NALF1: variants seen among roughly 807,000 people sequenced by gnomAD.
NALF1 encodes the protein NALCN channel auxiliary factor 1, also known as family with sequence similarity 155 member A.
A neutral mutation model predicts 48.4 loss-of-function variants in NALF1; 3 were observed. The observed-to-expected ratio is 0.06, with a 90% CI of 0.03 to 0.16. The LOEUF (loss-of-function observed/expected upper bound fraction) is 0.16. Ranked by LOEUF, NALF1 falls within the 10% of genes least tolerant of loss-of-function variation. The pLI, the probability that NALF1 is intolerant of heterozygous loss-of-function variation, is 1.00. For missense variants in NALF1, 526 were observed against 571.5 expected (o/e 0.92, Z 0.81); for synonymous variants, 262 against 245.7 (o/e 1.07, Z -0.62).
chr13:107,604,316 T>A (rs1879008330), intron 1 of NALF1, among the ~76,000 whole-genome samples: 1 of 152,206 alleles, frequency 6.6e-6, no homozygotes, highest in Admixed American at 6.5e-5. Context: ...TATTTTGTCT[T>A]TTTTTTAAAT....
Position 107,220,496 on chromosome 13 carries a change from T to G in NALF1, c.916-9741A>C, listed in dbSNP as rs117941182. ...CTAATTGAAATACAGACTTGTAGCC[T>G]GTTACCATGAAACAGAGGACTGGCT... On this transcript the variant is annotated intron_variant, in intron 1 of 2. Coordinates refer to ENST00000375915, the MANE Select transcript of NALF1 (RefSeq NM_001080396.3). Among the ~76,000 whole-genome samples, 37 of 152,348 alleles carry G rather than the reference T, an allele frequency of 2.4e-4. No homozygotes were observed. In the East Asian group the frequency reaches 7.1e-3, roughly 29 times the overall value.
At chr13:107,403,185 G>A (rs1391863280) in intron 1 of NALF1, among the ~76,000 whole-genome samples, 1 of 87,760 alleles carries the variant, frequency 1.1e-5, no homozygotes, top group Admixed American at 1.3e-4. Context: ...TCTCTTGTTC[G>A]GGCTTTTTTT....
At chr13:107,259,638 G>C (rs982933286) in intron 1 of NALF1, among the ~76,000 whole-genome samples, 18 of 152,290 alleles carry the variant, frequency 1.2e-4, no homozygotes, top group African/African-American at 4.3e-4. Flanking sequence ...ATTCACAATA[G>C]TTACTACCAG....
intron 1 of NALF1, among the ~76,000 whole-genome samples, chr13:107,462,699 G>T (rs561898320): frequency 1.3e-5 from 2 of 152,298 alleles, no homozygotes; most frequent in East Asian, 1.9e-4. Flanking sequence ...AGTTCCCAGA[G>T]AAACCCTAGA....
rs546915635 is a variant in NALF1 at position 107,750,409 on chromosome 13, C to T, written c.915+115273G>A. Among the ~76,000 whole-genome samples the T allele has an allele frequency of 5.8e-4, 89 of 152,264 alleles. 1 individual carries two copies. The highest frequency in any genetic ancestry group is 2.1e-3 in the African/African-American group (86 of 41,540). ...AATGTTTAACTCATATTCAACTGAG[C>T]TGCATAACCATTTTTAAATCCACAT... On this transcript the variant is annotated intron_variant, in intron 1 of 2. Transcript: ENST00000375915.
At chr13:107,498,250 G>A (rs1169411328) in intron 1 of NALF1, among the ~76,000 whole-genome samples, 1 of 151,966 alleles carries the variant, frequency 6.6e-6, no homozygotes, top group East Asian at 1.9e-4. Context: ...AAAAAATTCA[G>A]GCAGATATCA....
chr13:107,432,985 C>T (rs1373666182), intron 1 of NALF1, among the ~76,000 whole-genome samples: 1 of 152,138 alleles, frequency 6.6e-6, no homozygotes, highest in Non-Finnish European at 1.5e-5. Context: ...AAATCCACAC[C>T]TTTTGACTCT....
intron 1 of NALF1, among the ~76,000 whole-genome samples, chr13:107,762,937 G>A (rs1566472569): frequency 6.6e-6 from 1 of 152,050 alleles, no homozygotes; most frequent in Non-Finnish European, 1.5e-5. Flanking sequence ...AAGCTTTTTA[G>A]AGAAGGAACT....
chr13:107,719,276 T>C (rs1875916055), intron 1 of NALF1, among the ~76,000 whole-genome samples: 1 of 152,200 alleles, frequency 6.6e-6, no homozygotes. Context: ...TAGTATTTAA[T>C]CTTGTTGACC....
chr13:107,803,713 T>C (rs528922337), intron 1 of NALF1, among the ~76,000 whole-genome samples: 1 of 152,254 alleles, frequency 6.6e-6, no homozygotes, highest in South Asian at 2.1e-4. Flanking sequence ...TAAAACTAAG[T>C]ACAAATAAAA....
At chr13:107,636,284 T>C (rs1334749161) in intron 1 of NALF1, among the ~76,000 whole-genome samples, 3 of 152,110 alleles carry the variant, frequency 2.0e-5, no homozygotes, top group Non-Finnish European at 4.4e-5. Flanking sequence ...AAACAAGATA[T>C]AAACTGAAAT....
intron 1 of NALF1, among the ~76,000 whole-genome samples, chr13:107,708,351 C>T (rs1875465584): frequency 6.6e-6 from 1 of 152,140 alleles, no homozygotes; most frequent in Non-Finnish European, 1.5e-5. Flanking sequence ...ACTGGATCTC[C>T]TGAAATGCTC....
At chr13:107,185,894 A>G (rs1879160599) in intron 2 of NALF1, among the ~76,000 whole-genome samples, 1 of 152,144 alleles carries the variant, frequency 6.6e-6, no homozygotes, top group African/African-American at 2.4e-5. Context: ...TATCACTTAC[A>G]ATGTCCACTT....
chr13:107,490,397 A>T (rs1014057536), intron 1 of NALF1, among the ~76,000 whole-genome samples: 1 of 152,202 alleles, frequency 6.6e-6, no homozygotes. Flanking sequence ...AAAGAACAAG[A>T]TGATGTTTTT....
intron 1 of NALF1, among the ~76,000 whole-genome samples, chr13:107,242,357 C>T (rs1449541449): frequency 2.6e-5 from 4 of 152,178 alleles, no homozygotes; most frequent in Non-Finnish European, 5.9e-5. Context: ...CCTTCTCCTC[C>T]TCAATGTCCT....
At chr13:107,777,478 T>C (rs117202665) in intron 1 of NALF1, among the ~76,000 whole-genome samples, 9,965 of 152,268 alleles carry the variant, frequency 0.065, 379 homozygotes, top group African/African-American at 0.066. Context: ...AGATCTCTCC[T>C]GGCTTGCTGC....
chr13:107,773,797 G>A lies in NALF1; in HGVS notation c.915+91885C>T, dbSNP rs567670237. On this transcript the variant is annotated intron_variant, in intron 1 of 2. Coordinates refer to ENST00000375915, the MANE Select transcript of NALF1 (RefSeq NM_001080396.3). ...AATGCTAAATGACGAGTAAATGGGT[G>A]TAGCACACCAACATGGCACATGTAT... 1.2e-3 allele frequency among the ~76,000 whole-genome samples: 179 copies of A among 151,304 alleles called. 1 individual carries two copies. The highest frequency in any genetic ancestry group is 4.0e-3 in the African/African-American group (165 of 41,270).
At chr13:107,700,959 C>T (rs1881804186) in intron 1 of NALF1, among the ~76,000 whole-genome samples, 2 of 152,016 alleles carry the variant, frequency 1.3e-5, no homozygotes, top group South Asian at 2.1e-4. Flanking sequence ...ATTTGTATGG[C>T]TGTTATCAAA....
intron 1 of NALF1, among the ~76,000 whole-genome samples, chr13:107,493,559 G>A (rs574641276): frequency 6.6e-6 from 1 of 152,168 alleles, no homozygotes; most frequent in Admixed American, 6.5e-5. Flanking sequence ...AGTTCTGAGG[G>A]GGTTGGAACA....
Sources: allele counts gnomAD v4.1 joint callset (sites outside exome capture counted in the v4.1 genomes callset), GRCh38; gene constraint gnomAD v4.1.1; transcripts MANE v1.5; gene names NCBI Gene and HGNC (gene_info 2026-07-23, HGNC 2026-07-21).